RBBP4: variants seen among roughly 807,000 people sequenced by gnomAD.
RBBP4 encodes the protein histone-binding protein RBBP4.
A neutral mutation model predicts 57.2 loss-of-function variants in RBBP4; 3 were observed. The ratio of observed to expected loss-of-function variants is 0.05; its 90% CI spans 0.02 to 0.14. RBBP4 has a LOEUF of 0.14. Among genes scored for constraint, RBBP4 ranks in the 10% least tolerant of loss-of-function variants. The pLI, the probability that RBBP4 is intolerant of heterozygous loss-of-function variation, is 1.00. For synonymous variants in RBBP4, 151 were observed against 171.5 expected (o/e 0.88, Z 0.93); for missense variants, 107 against 520.6 (o/e 0.21, Z 7.73).
chr1:32,674,427 GT>G (rs1161961826), intron 11 of RBBP4, among the ~76,000 whole-genome samples: 3 of 152,030 alleles, frequency 2.0e-5, no homozygotes, highest in African/African-American at 7.2e-5. Context: ...TAGAGATGGG[GT>G]TTGCCATGTT....
intron 3 of RBBP4, 42 bp from the exon 4 acceptor site, chr1:32,668,183 T>C (rs1203869111): frequency 6.4e-7 from 1 of 1,564,680 alleles, no homozygotes; most frequent in Non-Finnish European, 8.7e-7. Flanking sequence ...ACCTCTAGAG[T>C]AGCTCTTGTT....
intron 1 of RBBP4, chr1:32,651,642 C>T: frequency 1.3e-6 from 1 of 754,678 alleles, no homozygotes; most frequent in South Asian, 2.5e-5. Context: ...GCTCGGGCCT[C>T]CTCGTCGGGC....
Position 32,679,933 on chromosome 1 carries a change from G to A in RBBP4, c.*228G>A. ...TGAAATTTTCTTCAGGAATTTTCTA[G>A]TAACCCAGGTCTAAAGTAGCTACAG... On this transcript the variant is annotated 3_prime_UTR_variant, in exon 12 of 12. Coordinates refer to ENST00000373493, the MANE Select transcript of RBBP4 (RefSeq NM_005610.3). 3.9e-6 allele frequency: 5 copies of A among 1,294,548 alleles called. No individual in the cohort carries two copies. The highest frequency in any genetic ancestry group is 4.9e-6 in the Non-Finnish European group (5 of 1,024,376). 80.2% of individuals were successfully genotyped at this position (1,294,548 alleles called of 1,614,324 possible).
At position 32,680,051 on chromosome 1, in the gene RBBP4, A is replaced by G. The variant is rs1649324630; in HGVS notation, c.*346A>G. ...AAGTAAAGGCTAGAGTGAGTAAGGA[A>G]TAGAGCCAAATGAGGTAGGTGTCTG... On this transcript the variant is annotated 3_prime_UTR_variant, in exon 12 of 12. Transcript: ENST00000373493. The G allele has an allele frequency of 1.8e-6, 2 of 1,085,470 alleles. No homozygotes were observed. Among genetic ancestry groups the G allele is most frequent in the South Asian group, 6.7e-5 (2 of 29,822 alleles). The allele number at this position is 1,085,470 out of a possible 1,614,324, so 67.2% of individuals were successfully genotyped here. A position where few individuals can be genotyped will look rare whatever the true frequency, so the allele number is the denominator to read the frequency against.
At chr1:32,661,301 CCTT>C (rs1648396372) in intron 3 of RBBP4, among the ~76,000 whole-genome samples, 1 of 132,102 alleles carries the variant, frequency 7.6e-6, no homozygotes, top group Non-Finnish European at 1.5e-5. Context: ...ATTTTTAGTT[CCTT>C]TTTTTTTTTT....
intron 3 of RBBP4, among the ~76,000 whole-genome samples, chr1:32,661,014 C>T (rs1362610127): frequency 3.3e-5 from 5 of 151,596 alleles, no homozygotes; most frequent in African/African-American, 7.3e-5. Context: ...GGTCTCACCA[C>T]GTTGCCCAGG....
rs1270308707 is a variant in RBBP4 at position 32,668,215 on chromosome 1, T to G, written c.311-10T>G. ...TGTTTTGTCCTCATTTGCAATTAAT[T>G]TATTCACAGAATTTGGAGGTTTTGG... is the stretch of plus-strand genomic sequence containing the variant. On this transcript the variant is annotated splice_polypyrimidine_tract_variant and intron_variant, in intron 3 of 11. Coordinates refer to ENST00000373493, the MANE Select transcript of RBBP4 (RefSeq NM_005610.3). 6.2e-7 allele frequency: 1 copy of G among 1,607,600 alleles called. No individual in the cohort carries two copies.
chr1:32,677,564 G>A (rs1649159779), intron 11 of RBBP4, among the ~76,000 whole-genome samples: 1 of 152,118 alleles, frequency 6.6e-6, no homozygotes, highest in Non-Finnish European at 1.5e-5. Flanking sequence ...TATCAGACCT[G>A]AGGAGGCAGT....
In RBBP4 at chr1:32,683,758, G is replaced by A; in HGVS notation, c.*4053G>A. 2 of 401,570 alleles carry A rather than the reference G, an allele frequency of 5.0e-6. No homozygotes were observed. The highest frequency in any genetic ancestry group is 4.6e-6 in the Non-Finnish European group (1 of 217,334). 24.9% of individuals were successfully genotyped at this position (401,570 alleles called of 1,614,324 possible). ...AGCGATTCTCCTGCCTTGGCCTCCT[G>A]AGTAGCTGGGATTATAAGTGCCTGC... On this transcript the variant is annotated 3_prime_UTR_variant, in exon 12 of 12. Coordinates refer to ENST00000373493, the MANE Select transcript of RBBP4 (RefSeq NM_005610.3).
At chr1:32,652,230 A>G (rs1349515339) in intron 2 of RBBP4, 169 bp downstream of exon 2, 10 of 750,810 alleles carry the variant, frequency 1.3e-5, no homozygotes, top group Non-Finnish European at 2.1e-5. Flanking sequence ...ATGATTTTGT[A>G]ACTTACCTGA....
intron 2 of RBBP4, among the ~76,000 whole-genome samples, chr1:32,653,760 G>C (rs1039038579): frequency 2.2e-5 from 3 of 138,418 alleles, no homozygotes; most frequent in African/African-American, 8.0e-5. Flanking sequence ...CCGGGTTCAC[G>C]CCATTTTCCT....
intron 3 of RBBP4, among the ~76,000 whole-genome samples, chr1:32,662,050 T>C (rs1648442202): frequency 1.3e-5 from 2 of 149,204 alleles, no homozygotes; most frequent in African/African-American, 5.0e-5. Context: ...CACACCCAGC[T>C]AATTTTTGTG....
rs359957 is a variant in RBBP4, at chr1:32,669,922, A to G, written c.966+359A>G. On this transcript the variant is annotated intron_variant, in intron 8 of 11. Coordinates refer to ENST00000373493, the MANE Select transcript of RBBP4 (RefSeq NM_005610.3). This position sits in a 1 kb window ranked among gnomAD's most constrained non-coding sequence, Gnocchi z 4.9. ...AAAGAAAAAAGAAAAACCTGGATGT[A>G]TGAGTGGGCACACATGTGCTTTATG... Among the ~76,000 whole-genome samples, 126,090 of 152,178 alleles carry G rather than the reference A, an allele frequency of 0.83. 54,740 individuals carry two copies. Among genetic ancestry groups the G allele is most frequent in the Non-Finnish European group, 0.96 (65,348 of 68,012 alleles).
intron 1 of RBBP4, chr1:32,651,558 T>C: frequency 8.8e-7 from 1 of 1,131,740 alleles, no homozygotes; most frequent in Non-Finnish European, 1.2e-6. Flanking sequence ...TTGTTTCTCT[T>C]CCTGCCTCCG....
In RBBP4 at chr1:32,685,746, G is replaced by C. The variant is rs1332806792; in HGVS notation, c.*6041G>C. Reference sequence around the variant, plus strand: ...CCAGACCCGTTGGTAAGGTACAAAAGTACATGCTTGGAAAAGCAGTCTGCA... The same window carrying C: ...CCAGACCCGTTGGTAAGGTACAAAACTACATGCTTGGAAAAGCAGTCTGCA... On this transcript the variant is annotated 3_prime_UTR_variant, in exon 12 of 12. Transcript: ENST00000373493. 3 of 152,138 alleles carry C rather than the reference G, an allele frequency of 2.0e-5. No homozygotes were observed. Among genetic ancestry groups the C allele is most frequent in the Non-Finnish European group, 4.4e-5 (3 of 68,030 alleles). The allele number at this position is 152,138 out of a possible 1,614,324, so 9.4% of individuals were successfully genotyped here. A position where few individuals can be genotyped will look rare whatever the true frequency, so the allele number is the denominator to read the frequency against.
chr1:32,672,958 T>A, intron 11 of RBBP4, 57 bp downstream of exon 11: 2 of 1,346,512 alleles, frequency 1.5e-6, no homozygotes, highest in Non-Finnish European at 2.1e-6. Context: ...TAGAATCAAT[T>A]TACATTTGTA....
In RBBP4 at chr1:32,683,334, G is replaced by A. The variant is rs16835131; in HGVS notation, c.*3629G>A. 0.083 allele frequency: 12,412 copies of A among 150,310 alleles called. 516 individuals carry two copies. The highest frequency in any genetic ancestry group is 0.17 in the Middle Eastern group (48 of 286). 9.3% of individuals were successfully genotyped at this position (150,310 alleles called of 1,614,324 possible). On this transcript the variant is annotated 3_prime_UTR_variant, in exon 12 of 12. Coordinates refer to ENST00000373493, the MANE Select transcript of RBBP4 (RefSeq NM_005610.3). ...ATCTCTGCTTCCACCCAAAACCACAGCCTTTGAATATTATATAAGGAACTT... is the reference window on the plus strand; with the variant it reads ...ATCTCTGCTTCCACCCAAAACCACAACCTTTGAATATTATATAAGGAACTT...
chr1:32,666,220 A>T (rs1000935077), intron 3 of RBBP4, among the ~76,000 whole-genome samples: 1 of 152,210 alleles, frequency 6.6e-6, no homozygotes, highest in Non-Finnish European at 1.5e-5. Context: ...CAGAACATTC[A>T]TCCCAAGCTA....
At chr1:32,675,465 A>G (rs1649059012) in intron 11 of RBBP4, among the ~76,000 whole-genome samples, 1 of 151,400 alleles carries the variant, frequency 6.6e-6, no homozygotes, top group African/African-American at 2.4e-5. Context: ...ACTTTGTAAC[A>G]TTACTTATCA....
Sources: allele counts gnomAD v4.1 joint callset (sites outside exome capture counted in the v4.1 genomes callset), GRCh38; gene constraint gnomAD v4.1.1; non-coding constraint Gnocchi (gnomAD v3.1); transcripts MANE v1.5; gene names NCBI Gene and HGNC (gene_info 2026-07-23, HGNC 2026-07-21).